Variants in PARVB observed in about 807,000 individuals in gnomAD.
PARVB encodes beta-parvin.
In PARVB, 46 loss-of-function variants were observed where a neutral mutation model predicts 47.0. The observed-to-expected ratio is 0.98, with a 90% CI of 0.77 to 1.25. PARVB has a LOEUF of 1.25. Among genes scored for constraint, PARVB ranks in the 50% most tolerant of loss-of-function variants. PARVB has a pLI of 0.00. For missense variants in PARVB, 473 were observed against 471.6 expected, an observed-to-expected ratio of 1.00 and a Z score of -0.03; for synonymous variants, 196 against 196.3, an observed-to-expected ratio of 1.00 and a Z score of 0.01.
chr22:44,040,517 A>G (rs2050999361), intron 1 of PARVB, among the ~76,000 whole-genome samples: 1 of 152,162 alleles, frequency 6.6e-6, no homozygotes, highest in South Asian at 2.1e-4. Context: ...GGTCAGAGTC[A>G]GAGAGAAGTG....
At chr22:44,140,707 G>T in intron 8 of PARVB, 2 of 433,488 alleles carry the variant, frequency 4.6e-6, no homozygotes, top group South Asian at 3.4e-5. Flanking sequence ...CCAGGCAGGG[G>T]CTGCTGTGAG....
intron 3 of PARVB, chr22:44,110,871 A>G (rs1214801915): frequency 6.6e-6 from 1 of 152,196 alleles, no homozygotes; most frequent in East Asian, 1.9e-4. Context: ...GAGTGCTGGG[A>G]TTACAGGCGT....
At chr22:44,116,679 A>G (rs565204837) in intron 3 of PARVB, among the ~76,000 whole-genome samples, 2 of 152,324 alleles carry the variant, frequency 1.3e-5, no homozygotes, top group African/African-American at 4.8e-5. Context: ...AGCCTTTCAA[A>G]GATTTGCTCC....
chr22:44,129,147 T>A lies in PARVB; in HGVS notation c.377-2340T>A, dbSNP rs78741590. ...GCCATACGAGTGGGTGGGCCCTAATTCAATATGTCTAGGGTTCCTATAAAA... is the reference window on the plus strand; with the variant it reads ...GCCATACGAGTGGGTGGGCCCTAATACAATATGTCTAGGGTTCCTATAAAA... On this transcript the variant is annotated intron_variant, in intron 4 of 12. Transcript: ENST00000338758. Among the ~76,000 whole-genome samples, 1,125 of 152,104 alleles carry A rather than the reference T, an allele frequency of 7.4e-3. 19 individuals are homozygous for A. Among genetic ancestry groups the A allele is most frequent in the African/African-American group, 0.024 (1,009 of 41,484 alleles).
At chr22:44,074,515 C>G (rs536917573) in intron 1 of PARVB, among the ~76,000 whole-genome samples, 1 of 152,170 alleles carries the variant, frequency 6.6e-6, no homozygotes, top group Non-Finnish European at 1.5e-5. Context: ...GGGAGGATGC[C>G]CTGTTTCCAT....
rs55967516 is a variant in PARVB, at chr22:44,054,920, G to A, written c.112+30469G>A. 9.8e-3 allele frequency among the ~76,000 whole-genome samples: 1,468 copies of A among 149,796 alleles called. 10 individuals are homozygous for A. The highest frequency in any genetic ancestry group is 0.016 in the Non-Finnish European group (1,083 of 67,616). On this transcript the variant is annotated intron_variant, in intron 1 of 12. Coordinates refer to ENST00000338758, the MANE Select transcript of PARVB (RefSeq NM_013327.5). ...CAGGAGAATCACTTGAACCCAGGAG[G>A]CAGAGGTTGCCGTGAGCCGAGATTG... is the stretch of plus-strand genomic sequence containing the variant.
chr22:44,011,863 C>A (rs2050526843), intron 2 of PARVB, among the ~76,000 whole-genome samples: 1 of 152,172 alleles, frequency 6.6e-6, no homozygotes, highest in African/African-American at 2.4e-5. Context: ...ATCCAAAACA[C>A]CACTCTCATC....
chr22:44,045,065 C>T (rs1163433498), intron 1 of PARVB, among the ~76,000 whole-genome samples: 1 of 151,946 alleles, frequency 6.6e-6, no homozygotes, highest in Non-Finnish European at 1.5e-5. Flanking sequence ...ATAGCAAGAC[C>T]CCATCTCTAC....
At chr22:44,006,032 T>A (rs1299748827) in intron 2 of PARVB, among the ~76,000 whole-genome samples, 5 of 152,194 alleles carry the variant, frequency 3.3e-5, no homozygotes, top group African/African-American at 1.2e-4. Flanking sequence ...CAGTCTCAAC[T>A]CCCTGGCTCA....
rs2054238083 is a variant in PARVB at position 44,169,079 on chromosome 22, AG to A, written c.*403del. On this transcript the variant is annotated 3_prime_UTR_variant, in exon 13 of 13. Transcript: ENST00000338758. ...GCCTCATGGTGCAGTTAGCGATCAC[AG>A]GCCTTCAGAAGTACAACATCAGCTC... 6.1e-6 allele frequency: 1 copy of A among 164,410 alleles called. No homozygotes were observed. The highest frequency in any genetic ancestry group is 1.2e-5 in the Non-Finnish European group (1 of 81,620). The allele number at this position is 164,410 out of a possible 1,614,324, so 10.2% of individuals were successfully genotyped here.
At chr22:44,018,339 T>A (rs1272622995) in intron 2 of PARVB, among the ~76,000 whole-genome samples, 1 of 151,910 alleles carries the variant, frequency 6.6e-6, no homozygotes, top group African/African-American at 2.4e-5. Flanking sequence ...GAGGCGGAGG[T>A]TGCAGTGAGC....
At position 44,126,741 on chromosome 22, in the gene PARVB, G is replaced by C. The variant is rs187040771; in HGVS notation, c.377-4746G>C. ...TTCTAATATTTTCAGAAGCAAACTTGAGTGTTTTGTTCACTTTCATTTTTT... is the reference window on the plus strand; with the variant it reads ...TTCTAATATTTTCAGAAGCAAACTTCAGTGTTTTGTTCACTTTCATTTTTT... On this transcript the variant is annotated intron_variant, in intron 4 of 12. Coordinates refer to ENST00000338758, the MANE Select transcript of PARVB (RefSeq NM_013327.5). Among the ~76,000 whole-genome samples the C allele has an allele frequency of 9.6e-3, 1,461 of 152,294 alleles. 18 individuals carry two copies. The highest frequency in any genetic ancestry group is 0.034 in the African/African-American group (1,392 of 41,552).
chr22:44,127,890 T>C (rs2053224034), intron 4 of PARVB, among the ~76,000 whole-genome samples: 1 of 151,948 alleles, frequency 6.6e-6, no homozygotes. Context: ...GCTTGGATGA[T>C]CTTCCCACCT....
chr22:44,146,331 T>TCACACATGCA (rs5845637), intron 8 of PARVB: 2 of 145,622 alleles, frequency 1.4e-5, no homozygotes, highest in East Asian at 2.1e-4. Flanking sequence ...ACACATGTGC[T>TCACACATGCA]CACGTGCACA....
intron 8 of PARVB, chr22:44,141,342 A>C (rs1346510625): frequency 6.6e-6 from 1 of 152,440 alleles, no homozygotes; most frequent in African/African-American, 2.4e-5. Flanking sequence ...GTCCTTCTGC[A>C]AGCTGAGGAG....
chr22:44,131,560 G>C lies in PARVB; in HGVS notation c.450G>C (p.Gln150His), dbSNP rs1424155624. The change falls in exon 5 of 13, where the codon CAG (glutamine) becomes CAC (histidine). Residue 150 changes from glutamine to histidine, a missense_variant. By Grantham distance (24) the Gln-to-His change is conservative. Transcript: ENST00000338758. ...AAATAGGGCAGAAACAGAAGCTGCA[G>C]ACGGTGCTGGAAGCAGTACATGACC... The part of the protein sequence containing the change: ...QSEIGQKQKL[Q>H]TVLEAVHDLL... 4.3e-6 allele frequency: 7 copies of C among 1,614,100 alleles called. No homozygotes were observed. Among genetic ancestry groups the C allele is most frequent in the Non-Finnish European group, 5.9e-6 (7 of 1,180,044 alleles).
chr22:44,130,805 A>T (rs2053291475), intron 4 of PARVB, among the ~76,000 whole-genome samples: 1 of 152,066 alleles, frequency 6.6e-6, no homozygotes, highest in African/African-American at 2.4e-5. Flanking sequence ...TCCATTTTGT[A>T]TGCATAGAAT....
At chr22:44,022,047 A>T (rs74427758), upstream of PARVB, among the ~76,000 whole-genome samples, 1 of 152,044 alleles carries the variant, frequency 6.6e-6, no homozygotes, top group Non-Finnish European at 1.5e-5. Context: ...GTCATCTTGG[A>T]TTACAGCCCA....
rs972986668 is a variant in PARVB at position 44,049,955 on chromosome 22, C to T, written c.112+25504C>T. 6.6e-6 allele frequency among the ~76,000 whole-genome samples: 1 copy of T among 152,212 alleles called. No homozygotes were observed. Among genetic ancestry groups the T allele is most frequent in the African/African-American group, 2.4e-5 (1 of 41,444 alleles). On this transcript the variant is annotated intron_variant, in intron 1 of 12. Transcript: ENST00000338758. The surrounding 1 kb of genome is among the most constrained non-coding windows in gnomAD (Gnocchi z 4.0). ...CTTGAGTTTGGGGTTTCTGTTTTACCTACACTTCCATATTGTGGGCATGTG... is the reference window on the plus strand; with the variant it reads ...CTTGAGTTTGGGGTTTCTGTTTTACTTACACTTCCATATTGTGGGCATGTG...
Sources: gnomAD v4.1 joint callset for allele counts (sites outside exome capture counted in the v4.1 genomes callset) on GRCh38, gnomAD v4.1.1 for gene constraint, Gnocchi (gnomAD v3.1) non-coding constraint, MANE v1.5 for transcripts, NCBI Gene and HGNC (gene_info 2026-07-23, HGNC 2026-07-21) for gene names.